The following PGS1 variants were observed in gnomAD, a reference collection of about 807,000 sequenced individuals.
The protein encoded by PGS1 is CDP-diacylglycerol--glycerol-3-phosphate 3-phosphatidyltransferase, mitochondrial.
A neutral mutation model predicts 58.3 loss-of-function variants in PGS1; 44 were observed. The observed-to-expected ratio is 0.75, with a 90% CI of 0.59 to 0.97. PGS1 has a LOEUF of 0.97. Ranked by LOEUF, PGS1 falls within the 50% of genes least tolerant of loss-of-function variation. The pLI, the probability that PGS1 is intolerant of heterozygous loss-of-function variation, is 0.00. For missense variants in PGS1, 684 were observed against 731.1 expected (o/e 0.94, Z 0.74); for synonymous variants, 330 against 311.0 (o/e 1.06, Z -0.64).
In PGS1 at chr17:78,389,053, CTTTTTTTTTT is replaced by C. The variant is rs5822252; in HGVS notation, c.144-3410_144-3401del. Among the ~76,000 whole-genome samples the C allele has an allele frequency of 9.8e-4, 94 of 96,004 alleles. 1 individual carries two copies. The highest frequency in any genetic ancestry group is 9.3e-3 in the Middle Eastern group (1 of 108). The allele number at this position is 96,004 out of a possible 152,430, so 63.0% of individuals were successfully genotyped here. A position where few individuals can be genotyped will look rare whatever the true frequency, so the allele number is the denominator to read the frequency against. Reference sequence around the variant, plus strand: ...TGCCAAGGAGTGTTTCCTCTTCTTCCTTTTTTTTTTTTTTTTTTTTTTGCGGGGGGACAGA... The same window carrying C: ...TGCCAAGGAGTGTTTCCTCTTCTTCCTTTTTTTTTTTTGCGGGGGGACAGA... On this transcript the variant is annotated intron_variant, in intron 1 of 9. Coordinates refer to ENST00000262764, the MANE Select transcript of PGS1 (RefSeq NM_024419.5).
chr17:78,391,244 G>A (rs919109494), intron 1 of PGS1, among the ~76,000 whole-genome samples: 5 of 151,608 alleles, frequency 3.3e-5, no homozygotes, highest in South Asian at 2.1e-4. Flanking sequence ...CACCGTGCGC[G>A]GCCACGGCTC....
At chr17:78,399,685 C>A in intron 5 of PGS1, 148 bp downstream of exon 5, 1 of 737,670 alleles carries the variant, frequency 1.4e-6, no homozygotes, top group Non-Finnish European at 2.2e-6. Context: ...ACCTCCCCGA[C>A]ACTGTCTCTG....
chr17:78,423,868 C>T lies in PGS1; in HGVS notation c.*11-193C>T, dbSNP rs752671887. ...CACAGGTGAAGGGCTGAGTTGTGGT[C>T]CAGCCCCAGGGAGTGTGGGCTGTGA... On this transcript the variant is annotated intron_variant, in intron 9 of 9. Coordinates refer to ENST00000262764, the MANE Select transcript of PGS1 (RefSeq NM_024419.5). The T allele has an allele frequency of 2.5e-6, 4 of 1,608,570 alleles. No individual in the cohort carries two copies. The Admixed American group carries it at 6.7e-5, about 27-fold the overall frequency.
At chr17:78,397,547 C>T (rs568412348) in intron 3 of PGS1, among the ~76,000 whole-genome samples, 1 of 152,176 alleles carries the variant, frequency 6.6e-6, no homozygotes, top group Non-Finnish European at 1.5e-5. Context: ...AGCGATTCTC[C>T]TGTCTCAGCC....
At chr17:78,411,166 G>A (rs959639117) in intron 7 of PGS1, among the ~76,000 whole-genome samples, 1 of 152,190 alleles carries the variant, frequency 6.6e-6, no homozygotes, top group Non-Finnish European at 1.5e-5. Context: ...TCCTGGCAGA[G>A]GGGAGAGAAA....
intron 7 of PGS1, among the ~76,000 whole-genome samples, chr17:78,413,619 G>A (rs1372739941): frequency 6.6e-6 from 1 of 152,198 alleles, no homozygotes; most frequent in Admixed American, 6.5e-5. Flanking sequence ...CATCAGGCAG[G>A]AAGCATTCTT....
chr17:78,423,882 T>C (rs753468668), intron 9 of PGS1, 179 bp from the exon 10 acceptor site: 10 of 1,612,024 alleles, frequency 6.2e-6, no homozygotes, highest in African/African-American at 2.7e-5. Flanking sequence ...CCCCAGGGAG[T>C]GTGGGCTGTG....
Position 78,400,382 on chromosome 17 carries a change from C to CAA in PGS1, c.702-283_702-282dup, listed in dbSNP as rs35635587. Among the ~76,000 whole-genome samples the CAA allele has an allele frequency of 1.4e-3, 192 of 134,570 alleles. 4 individuals are homozygous for CAA. In the East Asian group the frequency reaches 0.032, roughly 22 times the overall value. 88.3% of individuals were successfully genotyped at this position (134,570 alleles called of 152,430 possible). On this transcript the variant is annotated intron_variant, in intron 5 of 9. Coordinates refer to ENST00000262764, the MANE Select transcript of PGS1 (RefSeq NM_024419.5). The surrounding 1 kb of genome is among the most constrained non-coding windows in gnomAD (Gnocchi z 4.4). ...CCTGGGCGACAGAATGAGATTGTCT[C>CAA]AAAAAAAAAAAAAGCCCTGTGTGGT...
At chr17:78,384,108 A>G (rs985646465) in intron 1 of PGS1, among the ~76,000 whole-genome samples, 2 of 152,156 alleles carry the variant, frequency 1.3e-5, no homozygotes, top group African/African-American at 4.8e-5. Flanking sequence ...TTATAAATAT[A>G]TTTTGGATTT....
chr17:78,414,634 T>C (rs939118773), intron 7 of PGS1, among the ~76,000 whole-genome samples: 1 of 151,984 alleles, frequency 6.6e-6, no homozygotes, highest in Non-Finnish European at 1.5e-5. Context: ...ACAGTGTGAA[T>C]GGTGAAAGCA....
intron 1 of PGS1, chr17:78,381,013 T>A (rs1303082853): frequency 6.6e-6 from 1 of 152,104 alleles, no homozygotes; most frequent in Non-Finnish European, 1.5e-5. Flanking sequence ...GTCCGGCTAA[T>A]TTTTGTATCT....
At chr17:78,417,713 C>T (rs2085315985) in intron 8 of PGS1, among the ~76,000 whole-genome samples, 1 of 151,870 alleles carries the variant, frequency 6.6e-6, no homozygotes, top group African/African-American at 2.4e-5. Flanking sequence ...CACCTGTGGT[C>T]CTCACGGCGG....
chr17:78,419,447 T>G, intron 8 of PGS1, 99 bp from the exon 9 acceptor site: 1 of 1,063,482 alleles, frequency 9.4e-7, no homozygotes, highest in East Asian at 2.4e-5. Context: ...AAGTCAGGGT[T>G]TTCTGGGCTG....
chr17:78,406,754 T>A (rs939856829), intron 7 of PGS1, among the ~76,000 whole-genome samples: 1 of 151,848 alleles, frequency 6.6e-6, no homozygotes, highest in Non-Finnish European at 1.5e-5. Context: ...AGCTTTGACC[T>A]TTGGGGAGGC....
intron 6 of PGS1, among the ~76,000 whole-genome samples, chr17:78,402,536 C>T (rs2083769857): frequency 6.6e-6 from 1 of 152,136 alleles, no homozygotes; most frequent in Non-Finnish European, 1.5e-5. Flanking sequence ...CAACCTCTGC[C>T]TCCGAGGTTC....
At chr17:78,379,679 TG>T (rs2081897441) in intron 1 of PGS1, among the ~76,000 whole-genome samples, 1 of 151,732 alleles carries the variant, frequency 6.6e-6, no homozygotes, top group Non-Finnish European at 1.5e-5. Flanking sequence ...CAAAATTAGC[TG>T]GGCATGGTGG....
At chr17:78,390,949 T>C (rs1366714831) in intron 1 of PGS1, among the ~76,000 whole-genome samples, 1 of 151,968 alleles carries the variant, frequency 6.6e-6, no homozygotes, top group Non-Finnish European at 1.5e-5. Flanking sequence ...CTCTTTTTTT[T>C]TTCTTCTTTG....
Position 78,402,402 on chromosome 17 carries a change from A to G in PGS1, c.881-1166A>G, listed in dbSNP as rs1368936972. Among the ~76,000 whole-genome samples the G allele has an allele frequency of 8.2e-4, 45 of 54,898 alleles. No homozygotes were observed. The South Asian group carries it at 0.028, about 35-fold the overall frequency. The allele number at this position is 54,898 out of a possible 152,430, so 36.0% of individuals were successfully genotyped here. On this transcript the variant is annotated intron_variant, in intron 6 of 9. Coordinates refer to ENST00000262764, the MANE Select transcript of PGS1 (RefSeq NM_024419.5). ...TCATTCTAGTAATTTCTATTCATAT[A>G]TATATATATATATATATATATATAT...
At chr17:78,384,849 C>T (rs997488768) in intron 1 of PGS1, among the ~76,000 whole-genome samples, 13 of 152,244 alleles carry the variant, frequency 8.5e-5, no homozygotes, top group Non-Finnish European at 1.6e-4. Context: ...CACGTGTTCT[C>T]TGACACCGGG....
Sources: allele counts gnomAD v4.1 joint callset (sites outside exome capture counted in the v4.1 genomes callset), GRCh38; gene constraint gnomAD v4.1.1; non-coding constraint Gnocchi (gnomAD v3.1); transcripts MANE v1.5; gene names NCBI Gene and HGNC (gene_info 2026-07-23, HGNC 2026-07-21).